The following KICS2 variants were observed in gnomAD, a reference collection of about 807,000 sequenced individuals.
KICS2 encodes KICSTOR complex protein C12orf66.
A neutral mutation model predicts 31.4 loss-of-function variants in KICS2; 13 were observed. That is an observed-to-expected ratio of 0.41 (90% CI 0.27 to 0.66). The LOEUF is 0.66. KICS2 is among the 30% of genes least tolerant of loss of function. KICS2 has a pLI of 0.28. For synonymous variants in KICS2, 209 were observed against 214.8 expected (o/e 0.97, Z 0.24); for missense variants, 455 against 545.4 (o/e 0.83, Z 1.65).
intron 2 of KICS2, among the ~76,000 whole-genome samples, chr12:64,203,083 T>A (rs994387835): frequency 3.3e-5 from 5 of 152,138 alleles, no homozygotes; most frequent in African/African-American, 1.2e-4. Flanking sequence ...AAAACAGACA[T>A]ACAGCCACCC....
chr12:64,201,779 G>A (rs938208435), intron 2 of KICS2, among the ~76,000 whole-genome samples: 1 of 151,858 alleles, frequency 6.6e-6, no homozygotes, highest in Non-Finnish European at 1.5e-5. Flanking sequence ...GGGTGGGGGG[G>A]CAAGGTTGCA....
chr12:64,187,305 T>C, downstream of KICS2: 1 of 324,248 alleles, frequency 3.1e-6, no homozygotes. Context: ...GACCCTCTCC[T>C]GAGTGCTACC....
In KICS2 at chr12:64,192,702, A is replaced by G. The variant is rs1592377497; in HGVS notation, c.*1140T>C. Reference sequence around the variant, plus strand: ...CTAGAAGTGAAGGTCTCCACAGCCCATTATGCCTTCACTGATCCACCTACT... The same window carrying G: ...CTAGAAGTGAAGGTCTCCACAGCCCGTTATGCCTTCACTGATCCACCTACT... On this transcript the variant is annotated 3_prime_UTR_variant, in exon 3 of 3. Transcript: ENST00000398055. 1 of 985,416 alleles carries G rather than the reference A, an allele frequency of 1.0e-6. No individual in the cohort carries two copies. The allele number at this position is 985,416 out of a possible 1,614,324, so 61.0% of individuals were successfully genotyped here. A position where few individuals can be genotyped will look rare whatever the true frequency, so the allele number is the denominator to read the frequency against.
At chr12:64,202,024 C>A (rs971104986) in intron 2 of KICS2, among the ~76,000 whole-genome samples, 4 of 152,216 alleles carry the variant, frequency 2.6e-5, no homozygotes, top group Non-Finnish European at 5.9e-5. Context: ...TCCAGATACT[C>A]AGTAAATAAC....
rs1433130624 is a variant in KICS2 at position 64,194,595 on chromosome 12, ACACAGGACGT to A, written c.575_584del (p.Asp192ValfsTer4). 6.2e-7 allele frequency: 1 copy of A among 1,614,160 alleles called. No homozygotes were observed. The highest frequency in any genetic ancestry group is 8.5e-7 in the Non-Finnish European group (1 of 1,180,030). ...CCTGGGCCTGGGCTTTCAGGAGATG[ACACAGGACGT>A]CAACTTCCAGCTGGAAACTGCTTTC... On this transcript the variant is annotated frameshift_variant, in exon 3 of 3. Transcript: ENST00000398055. LOFTEE classifies it high-confidence loss of function.
intron 2 of KICS2, among the ~76,000 whole-genome samples, chr12:64,204,207 G>A (rs1433343395): frequency 6.6e-6 from 1 of 152,120 alleles, no homozygotes; most frequent in Non-Finnish European, 1.5e-5. Context: ...TGCCTGTTGG[G>A]GCCTGTTGGA....
chr12:64,205,381 G>GC (rs2037526777), intron 2 of KICS2, among the ~76,000 whole-genome samples: 1 of 152,108 alleles, frequency 6.6e-6, no homozygotes, highest in Non-Finnish European at 1.5e-5. Flanking sequence ...ATGTTAGTCT[G>GC]CCAAGACTTA....
chr12:64,218,759 G>A (rs1412410847), intron 1 of KICS2, among the ~76,000 whole-genome samples: 4 of 150,666 alleles, frequency 2.7e-5, no homozygotes, highest in Admixed American at 1.3e-4. Flanking sequence ...CTGGGGGAAC[G>A]GAAACACTAC....
downstream of KICS2, chr12:64,186,990 TCG>T (rs1420897000): frequency 1.3e-4 from 20 of 152,294 alleles, no homozygotes; most frequent in African/African-American, 4.8e-4. Context: ...CCCTACATTG[TCG>T]TATCTTGTCA....
rs191780137 is a variant in KICS2, at chr12:64,195,172, T to C, written c.522-514A>G. On this transcript the variant is annotated intron_variant, in intron 2 of 2. Coordinates refer to ENST00000398055, the MANE Select transcript of KICS2 (RefSeq NM_152440.5). ...CTAAGTGATCTTCCCACCTTGGCCTTCCAAAGCGCTGGGATTACAGGTGTG... is the reference window on the plus strand; with the variant it reads ...CTAAGTGATCTTCCCACCTTGGCCTCCCAAAGCGCTGGGATTACAGGTGTG... 7.9e-3 allele frequency among the ~76,000 whole-genome samples: 1,209 copies of C among 152,282 alleles called. 18 individuals carry two copies. The highest frequency in any genetic ancestry group is 0.026 in the African/African-American group (1,097 of 41,568).
At chr12:64,208,014 T>C (rs1018525050) in intron 2 of KICS2, among the ~76,000 whole-genome samples, 1 of 152,204 alleles carries the variant, frequency 6.6e-6, no homozygotes, top group Non-Finnish European at 1.5e-5. Context: ...AAATCCTCAA[T>C]GATTTCTCTT....
At chr12:64,206,631 A>G (rs2037541207) in intron 2 of KICS2, among the ~76,000 whole-genome samples, 1 of 152,246 alleles carries the variant, frequency 6.6e-6, no homozygotes, top group Non-Finnish European at 1.5e-5. Flanking sequence ...AGAGGTGGAA[A>G]CAACTCCAAT....
In KICS2 at chr12:64,194,381, C is replaced by A; in HGVS notation, c.799G>T (p.Ala267Ser). ...TCATGAAAGTAAAAGCTAAACTTGG[C>A]AAGAAGCATGTTTTTGAGTTTCATC... ...WLMKLKNMLL[A>S]KFSFYFHEAL... Residue 267 changes from alanine to serine, a missense_variant, in exon 3 of 3, where the codon GCC becomes TCC. Physicochemically the swap from Ala to Ser is moderately conservative, Grantham distance 99 (BLOSUM62 1). Transcript: ENST00000398055. The A allele has an allele frequency of 6.2e-7, 1 of 1,614,170 alleles. No individual in the cohort carries two copies. Among genetic ancestry groups the A allele is most frequent in the Non-Finnish European group, 8.5e-7 (1 of 1,180,036 alleles).
At chr12:64,221,806 T>A in intron 1 of KICS2, 197 bp downstream of exon 1, 1 of 666,990 alleles carries the variant, frequency 1.5e-6, no homozygotes. Flanking sequence ...TTCGCCAATC[T>A]ATCAGCAGCG....
chr12:64,188,078 G>A (rs1223464889), downstream of KICS2, among the ~76,000 whole-genome samples: 1 of 152,160 alleles, frequency 6.6e-6, no homozygotes, highest in African/African-American at 2.4e-5. Context: ...CTGAAAAAAA[G>A]TAACTGGTTA....
In KICS2 at chr12:64,221,203, G is replaced by A. The variant is rs987887971; in HGVS notation, c.235+800C>T. ...GTCCTTCATTCACATCAGACCTCAC[G>A]CTTCTGAAAATTGAAGAGTCTAAAA... On this transcript the variant is annotated intron_variant, in intron 1 of 2. Coordinates refer to ENST00000398055, the MANE Select transcript of KICS2 (RefSeq NM_152440.5). Among the ~76,000 whole-genome samples the A allele has an allele frequency of 4.6e-5, 7 of 151,938 alleles. No homozygotes were observed. In the East Asian group the frequency reaches 7.7e-4, roughly 17 times the overall value.
At chr12:64,190,684 A>G (rs2037371662), downstream of KICS2, among the ~76,000 whole-genome samples, 1 of 151,908 alleles carries the variant, frequency 6.6e-6, no homozygotes, top group Non-Finnish European at 1.5e-5. Flanking sequence ...AGGAGTTCAA[A>G]GCTGCAGAGA....
In KICS2 at chr12:64,194,440, T is replaced by A; in HGVS notation, c.740A>T (p.Lys247Met). 1.2e-6 allele frequency: 2 copies of A among 1,614,224 alleles called. No homozygotes were observed. The highest frequency in any genetic ancestry group is 8.5e-7 in the Non-Finnish European group (1 of 1,180,036). Residue 247 changes from lysine (K) to methionine (M), a missense_variant, in exon 3 of 3, where the codon AAG (lysine) becomes ATG (methionine). Lys to Met is a moderately conservative substitution (Grantham distance 95). Coordinates refer to ENST00000398055, the MANE Select transcript of KICS2 (RefSeq NM_152440.5). ...KKHLFGGQSQ[K>M]AVQPPHLFLW... ...GAAAAGGTGTGGAGGCTGCACGGCC[T>A]TCTGAGACTGCCCTCCAAACAGATG...
Position 64,191,083 on chromosome 12 carries a change from G to A in KICS2, c.*2759C>T, listed in dbSNP as rs1196571730. 1 of 152,154 alleles carries A rather than the reference G, an allele frequency of 6.6e-6. No individual in the cohort carries two copies. The highest frequency in any genetic ancestry group is 6.5e-5 in the Admixed American group (1 of 15,284). 9.4% of individuals were successfully genotyped at this position (152,154 alleles called of 1,614,324 possible). A position where few individuals can be genotyped will look rare whatever the true frequency, so the allele number is the denominator to read the frequency against. On this transcript the variant is annotated 3_prime_UTR_variant, in exon 3 of 3. Transcript: ENST00000398055. The stretch of plus-strand genomic sequence containing the variant: ...AAAGAAAGCAGTCTGCAGAAAATAC[G>A]CAGATTTACTCTTTTAATTAGCAAA...
Sources: allele counts gnomAD v4.1 joint callset (sites outside exome capture counted in the v4.1 genomes callset), GRCh38; gene constraint gnomAD v4.1.1; transcripts MANE v1.5; gene names NCBI Gene and HGNC (gene_info 2026-07-23, HGNC 2026-07-21).